Variants in CSMD2 observed in about 807,000 individuals in gnomAD.
CSMD2 encodes the protein CUB and Sushi multiple domains 2.
Under a neutral mutation model 398.5 loss-of-function variants are expected in CSMD2, and 130 were observed. The ratio of observed to expected loss-of-function variants is 0.33; its 90% CI spans 0.28 to 0.38. CSMD2 has a LOEUF of 0.38. CSMD2 is among the 10% of genes least tolerant of loss of function. CSMD2 has a pLI of 1.00. For missense variants in CSMD2, 3,829 were observed against 4,764.9 expected (o/e 0.80, Z 5.78); for synonymous variants, 1,828 against 1,908.5 (o/e 0.96, Z 1.10).
At chr1:33,788,573 T>C in intron 12 of CSMD2, 27 bp downstream of exon 12, 1 of 1,273,648 alleles carries the variant, frequency 7.9e-7, no homozygotes, top group Non-Finnish European at 1.1e-6. Context: ...CAGGACACAG[T>C]TCATCTGGCT....
At chr1:34,134,481 A>T (rs1638506504) in intron 1 of CSMD2, among the ~76,000 whole-genome samples, 1 of 152,234 alleles carries the variant, frequency 6.6e-6, no homozygotes, top group Non-Finnish European at 1.5e-5. Flanking sequence ...AAGCATCAAG[A>T]CACATTCATT....
rs774667039 is a variant in CSMD2 at position 33,846,973 on chromosome 1, G to A, written c.944C>T (p.Ala315Val). The change falls in exon 6 of 71, where the codon GCC becomes GTC. Residue 315 changes from alanine to valine, a missense_variant. Physicochemically the swap from Ala to Val is moderately conservative, Grantham distance 64. Around this residue, in one of 5 missense-constraint regions of CSMD2, gnomAD observed 2,001 missense variants for 2,567.1 expected, o/e 0.78. Transcript: ENST00000373381. Reference protein sequence around the residue: ...SLWFTGASLPAPVISSKNWLR... With the variant: ...SLWFTGASLPVPVISSKNWLR... The stretch of plus-strand genomic sequence containing the variant: ...CCAGTTCTTGCTGCTGATAACGGGG[G>A]CTGGGAGGCTGGCTCCGGTGAACCT... 1 of 1,609,546 alleles carries A rather than the reference G, an allele frequency of 6.2e-7. No individual in the cohort carries two copies. The highest frequency in any genetic ancestry group is 8.5e-7 in the Non-Finnish European group (1 of 1,177,776).
At chr1:33,963,921 G>A (rs137868699) in intron 3 of CSMD2, among the ~76,000 whole-genome samples, 1 of 152,326 alleles carries the variant, frequency 6.6e-6, no homozygotes, top group African/African-American at 2.4e-5. Context: ...TTGCAGTAAA[G>A]CCTGGAAGTA....
At chr1:34,091,003 C>T (rs1658496155) in intron 1 of CSMD2, among the ~76,000 whole-genome samples, 1 of 152,210 alleles carries the variant, frequency 6.6e-6, no homozygotes, top group South Asian at 2.1e-4. Flanking sequence ...GTTCTCTCTG[C>T]CTACAACACT....
intron 57 of CSMD2, among the ~76,000 whole-genome samples, chr1:33,544,831 T>TTATATATATATA (rs56072818): frequency 0.025 from 3,486 of 141,750 alleles, 58 homozygotes; most frequent in African/African-American, 0.045. Context: ...CACTGTGCAT[T>TTATATATATATA]TATATATATA....
intron 2 of CSMD2, among the ~76,000 whole-genome samples, chr1:34,081,699 G>A (rs1657160238): frequency 6.6e-6 from 1 of 152,234 alleles, no homozygotes; most frequent in Non-Finnish European, 1.5e-5. Flanking sequence ...CGCTCACTCA[G>A]TGCTCAATGT....
chr1:33,678,829 G>A (rs1644807364), intron 25 of CSMD2, among the ~76,000 whole-genome samples: 1 of 151,988 alleles, frequency 6.6e-6, no homozygotes, highest in South Asian at 2.1e-4. Context: ...TTCTCTTCAG[G>A]GACCAGCTGG....
intron 5 of CSMD2, among the ~76,000 whole-genome samples, chr1:33,915,148 A>G (rs1389096348): frequency 6.6e-6 from 1 of 152,118 alleles, no homozygotes; most frequent in Non-Finnish European, 1.5e-5. Flanking sequence ...TGATAGGTGA[A>G]GGGGGTGCCC....
At chr1:33,976,524 G>A (rs1325254) in intron 3 of CSMD2, among the ~76,000 whole-genome samples, 10,402 of 152,084 alleles carry the variant, frequency 0.068, 594 homozygotes, top group East Asian at 0.17. Context: ...GGAGGTTCAC[G>A]GAATCTACTC....
rs781096021 is a variant in CSMD2 at position 33,605,368 on chromosome 1, G to A, written c.6446C>T (p.Pro2149Leu). The A allele has an allele frequency of 2.6e-5, 42 of 1,614,152 alleles. No individual in the cohort carries two copies. Among genetic ancestry groups the A allele is most frequent in the Middle Eastern group, 1.6e-4 (1 of 6,062 alleles). Residue 2149 changes from proline (P) to leucine (L), a missense_variant, in exon 42 of 71, where the codon CCG (proline) becomes CTG (leucine). Around this residue, in one of 5 missense-constraint regions of CSMD2, gnomAD observed 723 missense variants for 758.6 expected, o/e 0.95. Transcript: ENST00000373381. ...AGGGTGGCCAGTCAATTGATACCCCGGGAGGCACTCGAAGGTCACTGATTG... is the reference window on the plus strand; with the variant it reads ...AGGGTGGCCAGTCAATTGATACCCCAGGAGGCACTCGAAGGTCACTGATTG... The part of the protein sequence containing the change: ...VGQSVTFECL[P>L]GYQLTGHPVL...
rs572855218 is a variant in CSMD2 at position 33,561,699 on chromosome 1, G to A, written c.8381-2226C>T. 2.0e-4 allele frequency among the ~76,000 whole-genome samples: 30 copies of A among 152,302 alleles called. 1 individual carries two copies. In the South Asian group the frequency reaches 6.2e-3, roughly 32 times the overall value. On this transcript the variant is annotated intron_variant, in intron 53 of 70. Coordinates refer to ENST00000373381, the MANE Select transcript of CSMD2 (RefSeq NM_001281956.2). The stretch of plus-strand genomic sequence containing the variant: ...CGTGGCTTTTACCCTCCTCTGGGGA[G>A]AGAGTGGGTCAAAGAGGGTCCCACA...
chr1:34,026,609 A>G (rs1649679521), intron 3 of CSMD2, among the ~76,000 whole-genome samples: 1 of 152,246 alleles, frequency 6.6e-6, no homozygotes, highest in Admixed American at 6.5e-5. Flanking sequence ...ACCAGGATTA[A>G]GCACTAAAAA....
intron 3 of CSMD2, among the ~76,000 whole-genome samples, chr1:33,988,562 C>T (rs757192574): frequency 6.6e-6 from 1 of 152,188 alleles, no homozygotes; most frequent in Non-Finnish European, 1.5e-5. Flanking sequence ...AGGGCCAGGT[C>T]TACTATTATT....
chr1:33,784,561 C>T (rs1162724420), intron 12 of CSMD2, among the ~76,000 whole-genome samples: 1 of 152,214 alleles, frequency 6.6e-6, no homozygotes, highest in African/African-American at 2.4e-5. Flanking sequence ...TGCCTCCTGC[C>T]ACTTCTGGCT....
At chr1:33,791,082 C>T (rs866557036) in intron 11 of CSMD2, among the ~76,000 whole-genome samples, 8 of 152,202 alleles carry the variant, frequency 5.3e-5, no homozygotes, top group African/African-American at 1.9e-4. Flanking sequence ...GTGAAAAACA[C>T]CCAGAAAAGA....
chr1:33,709,008 T>C, intron 22 of CSMD2, 81 bp downstream of exon 22: 4 of 1,279,984 alleles, frequency 3.1e-6, no homozygotes, highest in Non-Finnish European at 4.3e-6. Context: ...GTTTGGATCA[T>C]TCACACAGAG....
At chr1:33,576,152 T>A (rs1660050182) in intron 49 of CSMD2, among the ~76,000 whole-genome samples, 1 of 152,224 alleles carries the variant, frequency 6.6e-6, no homozygotes, top group South Asian at 2.1e-4. Flanking sequence ...AGGAAATATG[T>A]AATATTCATA....
intron 3 of CSMD2, among the ~76,000 whole-genome samples, chr1:34,026,129 G>C (rs1448064731): frequency 6.6e-6 from 1 of 152,194 alleles, no homozygotes; most frequent in Non-Finnish European, 1.5e-5. Context: ...CCTCACAACA[G>C]CTCTAAGAAG....
chr1:33,692,793 A>G, intron 25 of CSMD2, 137 bp downstream of exon 25: 1 of 1,104,732 alleles, frequency 9.1e-7, no homozygotes, highest in Non-Finnish European at 1.3e-6. Flanking sequence ...GGCATCCAGT[A>G]TAGCAACCAC....
Sources: allele counts gnomAD v4.1 joint callset (sites outside exome capture counted in the v4.1 genomes callset), GRCh38; gene constraint gnomAD v4.1.1; regional missense constraint gnomAD v4.1.1; transcripts MANE v1.5; gene names NCBI Gene and HGNC (gene_info 2026-07-23, HGNC 2026-07-21).